Variants in SLC12A9 observed in about 807,000 individuals in gnomAD.
SLC12A9 encodes solute carrier family 12 member 9.
Under a neutral mutation model 66.0 loss-of-function variants are expected in SLC12A9, and 55 were observed. The ratio of observed to expected loss-of-function variants is 0.83; its 90% confidence interval spans 0.67 to 1.04. The LOEUF (loss-of-function observed/expected upper bound fraction) is 1.04, where lower values mean the gene tolerates loss of function less well. Ranked by LOEUF, SLC12A9 falls within the 50% of genes least tolerant of loss-of-function variation. The pLI, the probability that SLC12A9 is intolerant of heterozygous loss-of-function variation, is 0.00. For missense variants in SLC12A9, 1,061 were observed against 1,241.9 expected, an observed-to-expected ratio of 0.85 and a Z score of 2.19; for synonymous variants, 577 against 569.0, an observed-to-expected ratio of 1.01 and a Z score of -0.20.
rs1281810763 is a variant in SLC12A9 at position 100,852,805 on chromosome 7, G to A, written c.-73G>A. The A allele has an allele frequency of 6.6e-6, 1 of 152,300 alleles. No individual in the cohort carries two copies. The highest frequency in any genetic ancestry group is 1.9e-4 in the East Asian group (1 of 5,186). The allele number at this position is 152,300 out of a possible 1,614,324, so 9.4% of individuals were successfully genotyped here. A position where few individuals can be genotyped will look rare whatever the true frequency, so the allele number is the denominator to read the frequency against. On this transcript the variant is annotated 5_prime_UTR_variant, in exon 1 of 14. Transcript: ENST00000354161. ...GCCCGAGCGGAGCCCCCCGGCTCGC[G>A]GGGATCGCCCCCGAGCGCTGCGTCC...
intron 2 of SLC12A9, 84 bp downstream of exon 2, chr7:100,854,462 A>G: frequency 6.3e-7 from 1 of 1,592,536 alleles, no homozygotes; most frequent in East Asian, 2.2e-5. Context: ...CTGGGATAAG[A>G]TTAGGAAGGG....
intron 13 of SLC12A9, among the ~76,000 whole-genome samples, chr7:100,863,496 C>G (rs1227668606): frequency 6.6e-6 from 1 of 152,114 alleles, no homozygotes; most frequent in Non-Finnish European, 1.5e-5. Flanking sequence ...CACCAGTGTT[C>G]AGAGGAAGGC....
rs1584703284 is a variant in SLC12A9, at chr7:100,860,487, G to A, written c.1218+255G>A. On this transcript the variant is annotated intron_variant, in intron 9 of 13. Coordinates refer to ENST00000354161, the MANE Select transcript of SLC12A9 (RefSeq NM_020246.4). ...TTTGGGGTACACGGGCATTGTGCAG[G>A]GTTCACTGACACTTTTTGGGGTATA... 7 of 525,212 alleles carry A rather than the reference G, an allele frequency of 1.3e-5. No individual in the cohort carries two copies. The East Asian group carries it at 2.4e-4, about 18-fold the overall frequency. The allele number at this position is 525,212 out of a possible 1,614,324, so 32.5% of individuals were successfully genotyped here.
At chr7:100,827,595 T>TCCGCGAGTGAGCC (rs1562977043) in intron 1 of SLC12A9, 1 of 152,084 alleles carries the variant, frequency 6.6e-6, no homozygotes, top group African/African-American at 2.4e-5. Flanking sequence ...ACGCGGGGGC[T>TCCGCGAGTGAGCC]CCGCGAGTGA....
chr7:100,838,885 G>A (rs1311932409), intron 1 of SLC12A9, among the ~76,000 whole-genome samples: 1 of 152,134 alleles, frequency 6.6e-6, no homozygotes, highest in African/African-American at 2.4e-5. Flanking sequence ...TACAGACATT[G>A]TATAGAAAGG....
chr7:100,835,957 GGGAGT>G (rs1813648315), intron 1 of SLC12A9, among the ~76,000 whole-genome samples: 1 of 152,248 alleles, frequency 6.6e-6, no homozygotes, highest in Non-Finnish European at 1.5e-5. Context: ...CGACTGTTCA[GGGAGT>G]GGAGTGGAAA....
chr7:100,860,883 A>C, intron 9 of SLC12A9: 1 of 598,596 alleles, frequency 1.7e-6, no homozygotes. Context: ...CTGGGGATAC[A>C]CTGGCACTTT....
At chr7:100,843,952 G>A (rs1048529765) in intron 1 of SLC12A9, among the ~76,000 whole-genome samples, 1 of 152,188 alleles carries the variant, frequency 6.6e-6, no homozygotes, top group Non-Finnish European at 1.5e-5. Context: ...TGAGCAGTAT[G>A]TGGACGGAAG....
rs142867248 is a variant in SLC12A9 at position 100,861,901 on chromosome 7, G to C, written c.1701G>C (p.Leu567=). 35 of 1,600,192 alleles carry C rather than the reference G, an allele frequency of 2.2e-5. No homozygotes were observed. The highest frequency in any genetic ancestry group is 3.6e-4 in the Middle Eastern group (2 of 5,610). Residue 567 remains leucine, a synonymous_variant, in exon 12 of 14, where the codon CTG becomes CTC. Coordinates refer to ENST00000354161, the MANE Select transcript of SLC12A9 (RefSeq NM_020246.4). The surrounding 1 kb of genome is among the most constrained non-coding windows in gnomAD (Gnocchi z 5.3). ...GGLYVLGHVT[L]GDLDSLPSDP... The stretch of plus-strand genomic sequence containing the variant: ...TGTATGTGCTGGGCCACGTCACCCT[G>C]GGAGACCTCGGTGAGCTGCCCTCCC...
upstream of SLC12A9, among the ~76,000 whole-genome samples, chr7:100,848,614 C>T (rs1412971889): frequency 3.9e-5 from 6 of 152,094 alleles, no homozygotes; most frequent in East Asian, 1.9e-4. Flanking sequence ...AGGTTGGGCG[C>T]AGTGGTTCAC....
At chr7:100,830,879 G>C (rs534938255) in intron 1 of SLC12A9, among the ~76,000 whole-genome samples, 56 of 152,048 alleles carry the variant, frequency 3.7e-4, no homozygotes, top group African/African-American at 1.3e-3. Flanking sequence ...GTGAAGTCAT[G>C]TCCTCCACCC....
rs757539744 is a variant in SLC12A9 at position 100,865,975 on chromosome 7, C to T, written c.2115C>T (p.Ala705=). The change falls in exon 14 of 14, where the codon GCC becomes GCT. Residue 705 remains alanine (A), a synonymous_variant. Coordinates refer to ENST00000354161, the MANE Select transcript of SLC12A9 (RefSeq NM_020246.4). ...KNVVLARASG[A]LPPERLSRGS... is the part of the protein sequence containing the mutation. ...TGGTGCTGGCCCGGGCCAGCGGGGC[C>T]TTGCCCCCTGAGCGGCTGAGCCGGG... 3.7e-6 allele frequency: 6 copies of T among 1,613,012 alleles called. No homozygotes were observed. The highest frequency in any genetic ancestry group is 1.3e-5 in the African/African-American group (1 of 75,066).
At chr7:100,856,055 G>A in intron 4 of SLC12A9, 1 of 551,998 alleles carries the variant, frequency 1.8e-6, no homozygotes, top group South Asian at 3.2e-5. Flanking sequence ...GAGAGACCAG[G>A]CTAAGATTCT....
At chr7:100,842,204 C>T (rs115147761) in intron 1 of SLC12A9, among the ~76,000 whole-genome samples, 2,786 of 152,036 alleles carry the variant, frequency 0.018, 86 homozygotes, top group African/African-American at 0.064. Context: ...CAAAGGAAAA[C>T]CCTATCAAAC....
chr7:100,860,651 G>A, intron 9 of SLC12A9: 1 of 368,278 alleles, frequency 2.7e-6, no homozygotes, highest in Non-Finnish European at 5.2e-6. Flanking sequence ...CTGTGGGAGT[G>A]CATTGGCCCT....
At chr7:100,850,056 A>G (rs1364646373), upstream of SLC12A9, among the ~76,000 whole-genome samples, 3 of 151,824 alleles carry the variant, frequency 2.0e-5, no homozygotes, top group Admixed American at 6.6e-5. Context: ...TATTTTTAGT[A>G]GAGACAGGGT....
exon 1 of SLC12A9, chr7:100,826,955 G>C (rs752459271): frequency 1.3e-5 from 20 of 1,485,822 alleles, no homozygotes; most frequent in East Asian, 7.7e-5. Flanking sequence ...GACGGGGTGC[G>C]CCCCCCCCCG....
intron 1 of SLC12A9, among the ~76,000 whole-genome samples, chr7:100,829,236 C>T (rs776056321): frequency 2.6e-5 from 4 of 152,176 alleles, no homozygotes; most frequent in Non-Finnish European, 5.9e-5. Flanking sequence ...GATCCACCCA[C>T]CTTGGCCTCC....
chr7:100,862,149 G>T (rs1814797668), intron 12 of SLC12A9, among the ~76,000 whole-genome samples: 1 of 151,942 alleles, frequency 6.6e-6, no homozygotes, highest in Non-Finnish European at 1.5e-5. Context: ...TAGAGAAGGG[G>T]TTTCACCATG....
Sources: allele counts gnomAD v4.1 joint callset (sites outside exome capture counted in the v4.1 genomes callset), GRCh38; gene constraint gnomAD v4.1.1; non-coding constraint Gnocchi (gnomAD v3.1); transcripts MANE v1.5; gene names NCBI Gene and HGNC (gene_info 2026-07-23, HGNC 2026-07-21).